BAG6: variants seen among roughly 807,000 people sequenced by gnomAD.
The protein encoded by BAG6 is BAG cochaperone 6, also known as large proline-rich protein BAG6.
A neutral mutation model predicts 121.0 loss-of-function variants in BAG6; 22 were observed. The observed-to-expected ratio is 0.18, with a 90% CI of 0.13 to 0.26. BAG6 has a LOEUF of 0.26. Ranked by LOEUF, BAG6 falls within the 10% of genes least tolerant of loss-of-function variation. BAG6 has a pLI of 1.00. For missense variants in BAG6, 1,233 were observed against 1,537.7 expected (o/e 0.80, Z 3.31); for synonymous variants, 583 against 584.6 (o/e 1.00, Z 0.04).
In BAG6 at chr6:31,651,748, T is replaced by G; in HGVS notation, c.16A>C (p.Ser6Arg). 10 of 1,612,998 alleles carry G rather than the reference T, an allele frequency of 6.2e-6. No homozygotes were observed. The highest frequency in any genetic ancestry group is 8.5e-6 in the Non-Finnish European group (10 of 1,179,996). MEPND[S>R]TSTAVEEPDS... ...GGCTCCTCCACAGCGGTACTGGTACTATCATTAGGCTCCATGGCCGACAGG... is the reference window on the plus strand; with the variant it reads ...GGCTCCTCCACAGCGGTACTGGTACGATCATTAGGCTCCATGGCCGACAGG... The change falls in exon 2 of 26, where the codon AGT becomes CGT. Residue 6 changes from serine to arginine, a missense_variant. Transcript: ENST00000676615.
At chr6:31,645,315 C>T (rs1196781531) in intron 9 of BAG6, 92 bp downstream of exon 9, 2 of 1,607,344 alleles carry the variant, frequency 1.2e-6, no homozygotes, top group East Asian at 2.2e-5. Context: ...CCAGTCTCCT[C>T]CTTTCCTAAC....
Position 31,644,909 on chromosome 6 carries a change from T to C in BAG6, c.1369+37A>G. ...ACCTCAGCATGAACCTCCCTCATCA[T>C]GCTGATCCTGCTCTTCTCGCCAGCA... is the stretch of plus-strand genomic sequence containing the variant. On this transcript the variant is annotated intron_variant, in intron 10 of 25. Transcript: ENST00000676615. The surrounding 1 kb of genome is among the most constrained non-coding windows in gnomAD (Gnocchi z 4.9). 3 of 1,546,546 alleles carry C rather than the reference T, an allele frequency of 1.9e-6. No individual in the cohort carries two copies. Among genetic ancestry groups the C allele is most frequent in the Non-Finnish European group, 2.6e-6 (3 of 1,145,446 alleles).
At chr6:31,639,277 A>T (rs1163843901) in intron 25 of BAG6, 51 bp from the exon 26 acceptor site, 1 of 1,538,624 alleles carries the variant, frequency 6.5e-7, no homozygotes, top group Non-Finnish European at 8.9e-7. Context: ...AGTCCCCATG[A>T]TCCCAGCAAG....
intron 7 of BAG6, 71 bp from the exon 8 acceptor site, chr6:31,646,594 C>T: frequency 1.3e-6 from 2 of 1,564,108 alleles, no homozygotes; most frequent in Non-Finnish European, 1.7e-6. Context: ...CAACAGGGAC[C>T]ACATGTGCCC....
rs747514728 is a variant in BAG6 at position 31,641,098 on chromosome 6, G to A, written c.2787+6C>T. 3.7e-6 allele frequency: 6 copies of A among 1,612,960 alleles called. No homozygotes were observed. In the East Asian group the frequency reaches 1.3e-4, roughly 36 times the overall value. On this transcript the variant is annotated splice_donor_region_variant and intron_variant, in intron 20 of 25. Coordinates refer to ENST00000676615, the MANE Select transcript of BAG6 (RefSeq NM_001387994.1). This position sits in a 1 kb window ranked among gnomAD's most constrained non-coding sequence, Gnocchi z 5.7. ...GGCTAAGGATCTGGGGCTAGGTGGT[G>A]CTTACAATTCGGCCATTGATAACAG...
At chr6:31,647,090 A>G (rs1359730558) in intron 7 of BAG6, among the ~76,000 whole-genome samples, 1 of 151,522 alleles carries the variant, frequency 6.6e-6, no homozygotes, top group East Asian at 1.9e-4. Flanking sequence ...TTTAGTAGAG[A>G]CAGGGTTTCA....
intron 6 of BAG6, among the ~76,000 whole-genome samples, chr6:31,648,134 G>C (rs1173100251): frequency 6.6e-6 from 1 of 151,552 alleles, no homozygotes; most frequent in Admixed American, 6.6e-5. Context: ...TCTTGCCTCA[G>C]CCTTCTAAGT....
At position 31,642,773 on chromosome 6, in the gene BAG6, T is replaced by C. The variant is rs1784222055; in HGVS notation, c.2043+56A>G. 3.2e-6 allele frequency: 5 copies of C among 1,586,408 alleles called. No individual in the cohort carries two copies. The Admixed American group carries it at 8.5e-5, about 27-fold the overall frequency. ...TTATATAATGGCAAGAAGGTACCAC[T>C]GCCTGGCTGGGCCGGGGGACAGGAA... On this transcript the variant is annotated intron_variant, in intron 15 of 25. Coordinates refer to ENST00000676615, the MANE Select transcript of BAG6 (RefSeq NM_001387994.1).
rs1033581079 is a variant in BAG6, at chr6:31,640,453, C to A, written c.3070G>T (p.Gly1024Trp). The change falls in exon 23 of 26, where the codon GGG becomes TGG. Residue 1024 changes from glycine to tryptophan, a missense_variant. This residue lies in a region of BAG6 where 288 missense variants were observed against 483.1 expected (regional missense o/e 0.60). Coordinates refer to ENST00000676615, the MANE Select transcript of BAG6 (RefSeq NM_001387994.1). The surrounding 1 kb of genome is among the most constrained non-coding windows in gnomAD (Gnocchi z 4.2). ...MSRGPPPAPE[G>W]GSRDEQDGAS... ...CCATCCTGTTCATCCCGGGAGCCCC[C>A]CTCAGGAGCAGGAGGTGGACCTCGG... 20 of 1,613,582 alleles carry A rather than the reference C, an allele frequency of 1.2e-5. No homozygotes were observed. Among genetic ancestry groups the A allele is most frequent in the Non-Finnish European group, 1.6e-5 (19 of 1,180,038 alleles).
In BAG6 at chr6:31,647,874, G is replaced by A. The variant is rs535855351; in HGVS notation, c.553-48C>T. 142 of 1,502,202 alleles carry A rather than the reference G, an allele frequency of 9.5e-5. No homozygotes were observed. The East Asian group carries it at 2.7e-3, about 28-fold the overall frequency. The allele number at this position is 1,502,202 out of a possible 1,614,324, so 93.1% of individuals were successfully genotyped here. On this transcript the variant is annotated intron_variant, in intron 6 of 25. Transcript: ENST00000676615. ...ATACCAAAGGCAGGGTAAGACTGCT[G>A]CAGAGGATTACTCTACAGGAGACTG...
In BAG6 at chr6:31,643,129, A is replaced by C. The variant is rs758762457; in HGVS notation, c.1757-14T>G. ...GGGTCCCCTGAGCTGTAAGAAACCA[A>C]AAAAAGAAAGCTGGGCTGAGCATGG... On this transcript the variant is annotated splice_polypyrimidine_tract_variant and intron_variant, in intron 14 of 25. Coordinates refer to ENST00000676615, the MANE Select transcript of BAG6 (RefSeq NM_001387994.1). 3.7e-5 allele frequency: 57 copies of C among 1,545,718 alleles called. 1 individual carries two copies. In the East Asian group the frequency reaches 8.5e-4, roughly 23 times the overall value.
intron 7 of BAG6, 127 bp from the exon 8 acceptor site, chr6:31,646,650 A>T (rs76373232): frequency 8.2e-7 from 1 of 1,219,294 alleles, no homozygotes; most frequent in Non-Finnish European, 1.1e-6. Context: ...CCTTCTCTGG[A>T]CCAGCAGAGC....
At chr6:31,643,582 G>C (rs1439345191) in intron 14 of BAG6, among the ~76,000 whole-genome samples, 1 of 151,290 alleles carries the variant, frequency 6.6e-6, no homozygotes, top group East Asian at 1.9e-4. Flanking sequence ...AAATTAGCTG[G>C]GCGTGGTGGC....
intron 6 of BAG6, among the ~76,000 whole-genome samples, chr6:31,648,102 G>A (rs563941855): frequency 2.2e-4 from 33 of 149,694 alleles, no homozygotes; most frequent in African/African-American, 6.2e-4. Context: ...TGTAACCTCC[G>A]CCTCCCAGGT....
chr6:31,641,211 G>T lies in BAG6; in HGVS notation c.2680C>A (p.Arg894=). The T allele has an allele frequency of 6.2e-7, 1 of 1,614,032 alleles. No individual in the cohort carries two copies. Among genetic ancestry groups the T allele is most frequent in the Non-Finnish European group, 8.5e-7 (1 of 1,180,028 alleles). ...LHCTDSGFGA[R]LLELCNQGLF... Reference sequence around the variant, plus strand: ...CCTTGGTTACACAACTCCAGCAACCGGGCCCCAAATCCACTATCTGTGGGC... The same window carrying T: ...CCTTGGTTACACAACTCCAGCAACCTGGCCCCAAATCCACTATCTGTGGGC... The change falls in exon 20 of 26, where the codon CGG becomes AGG. Residue 894 remains arginine (R), a synonymous_variant. Transcript: ENST00000676615. This position sits in a 1 kb window ranked among gnomAD's most constrained non-coding sequence, Gnocchi z 5.7.
chr6:31,640,175 G>A lies in BAG6; in HGVS notation c.3246+24C>T, dbSNP rs62395804. ...ACGGGGAAACCTGGATAGAGAGAGA[G>A]GCTTAGGGAAGAGGAAAACCAACCT... On this transcript the variant is annotated intron_variant, in intron 24 of 25. Coordinates refer to ENST00000676615, the MANE Select transcript of BAG6 (RefSeq NM_001387994.1). The surrounding 1 kb of genome is among the most constrained non-coding windows in gnomAD (Gnocchi z 4.2). The A allele has an allele frequency of 0.039, 62,185 of 1,606,086 alleles. 1,371 individuals are homozygous for A. Among genetic ancestry groups the A allele is most frequent in the Non-Finnish European group, 0.045 (52,610 of 1,173,246 alleles).
chr6:31,643,648 C>T (rs181930340), intron 14 of BAG6, among the ~76,000 whole-genome samples: 303 of 134,848 alleles, frequency 2.2e-3, no homozygotes, highest in Middle Eastern at 4.2e-3. Flanking sequence ...CACTTGAACC[C>T]GGGAGGCAGA....
At position 31,639,076 on chromosome 6, in the gene BAG6, T is replaced by C; in HGVS notation, c.*55A>G. 6.9e-7 allele frequency: 1 copy of C among 1,449,038 alleles called. No homozygotes were observed. The highest frequency in any genetic ancestry group is 1.2e-5 in the South Asian group (1 of 84,224). The allele number at this position is 1,449,038 out of a possible 1,614,324, so 89.8% of individuals were successfully genotyped here. On this transcript the variant is annotated 3_prime_UTR_variant, in exon 26 of 26. Transcript: ENST00000676615. ...TCCGACTTTTATTTCTTAAATACTG[T>C]GAAGGAAGAGGGGGGAAACGGTCCC...
rs772227280 is a variant in BAG6, at chr6:31,647,847, G to C, written c.553-21C>G. ...CGACACTGAAGGTAGGGGAGAGTCAGGATACCAAAGGCAGGGTAAGACTGC... is the reference window on the plus strand; with the variant it reads ...CGACACTGAAGGTAGGGGAGAGTCACGATACCAAAGGCAGGGTAAGACTGC... On this transcript the variant is annotated intron_variant, in intron 6 of 25. Coordinates refer to ENST00000676615, the MANE Select transcript of BAG6 (RefSeq NM_001387994.1). 2.0e-6 allele frequency: 3 copies of C among 1,518,360 alleles called. No homozygotes were observed. The African/African-American group carries it at 4.2e-5, about 21-fold the overall frequency. The allele number at this position is 1,518,360 out of a possible 1,614,324, so 94.1% of individuals were successfully genotyped here. A position where few individuals can be genotyped will look rare whatever the true frequency, so the allele number is the denominator to read the frequency against.
Sources: gnomAD v4.1 joint callset for allele counts (sites outside exome capture counted in the v4.1 genomes callset) on GRCh38, gnomAD v4.1.1 for gene constraint, gnomAD v4.1.1 regional missense constraint, Gnocchi (gnomAD v3.1) non-coding constraint, MANE v1.5 for transcripts, NCBI Gene and HGNC (gene_info 2026-07-23, HGNC 2026-07-21) for gene names.